The following C3orf52 variants were observed in gnomAD, a reference collection of about 807,000 sequenced individuals.
The protein encoded by C3orf52 is chromosome 3 open reading frame 52, also known as TPA-induced transmembrane protein.
A neutral mutation model predicts 24.8 loss-of-function variants in C3orf52; 22 were observed. That is an observed-to-expected ratio of 0.89 (90% CI 0.63 to 1.27). The LOEUF is 1.27. Ranked by LOEUF, C3orf52 falls within the 50% of genes most tolerant of loss-of-function variation. The probability of loss-of-function intolerance (pLI) is 0.00; values close to 1 mark genes in which losing one functional copy is unlikely to be tolerated. For missense variants in C3orf52, 265 were observed against 260.7 expected, an observed-to-expected ratio of 1.02 and a Z score of -0.11; for synonymous variants, 93 against 100.2, an observed-to-expected ratio of 0.93 and a Z score of 0.43.
intron 1 of C3orf52, among the ~76,000 whole-genome samples, chr3:112,090,658 G>T (rs550786147): frequency 9.3e-4 from 141 of 152,250 alleles, no homozygotes; most frequent in Non-Finnish European, 1.6e-3. Context: ...CCTCCAGGAA[G>T]TCATAGAGTA....
intron 5 of C3orf52, among the ~76,000 whole-genome samples, chr3:112,114,638 A>G (rs2074118300): frequency 6.6e-6 from 1 of 152,028 alleles, no homozygotes; most frequent in African/African-American, 2.4e-5. Flanking sequence ...TGGGAGGCAG[A>G]GGTTGCGGTG....
In C3orf52 at chr3:112,093,381, A is replaced by G. The variant is rs2073896801; in HGVS notation, c.160A>G (p.Ser54Gly). ...CTAGGCTAACAAGGAAAGCCCCTGG[A>G]GCTCCTGTAATAAGAATGTGGTTGG... ...PAEANKESPWSSCNKNVVGRC... is the reference protein window; with the variant it reads ...PAEANKESPWGSCNKNVVGRC... Residue 54 changes from serine (S) to glycine (G), a missense_variant, in exon 2 of 6, where the codon AGC becomes GGC. By Grantham distance (56) the Ser-to-Gly change is moderately conservative. Coordinates refer to ENST00000264848, the MANE Select transcript of C3orf52 (RefSeq NM_024616.3). The G allele has an allele frequency of 6.2e-7, 1 of 1,613,936 alleles. No homozygotes were observed. Among genetic ancestry groups the G allele is most frequent in the Non-Finnish European group, 8.5e-7 (1 of 1,179,846 alleles).
At chr3:112,116,048 C>T (rs1052121780) in intron 5 of C3orf52, among the ~76,000 whole-genome samples, 1 of 152,110 alleles carries the variant, frequency 6.6e-6, no homozygotes, top group Non-Finnish European at 1.5e-5. Context: ...GGGAAGGAGT[C>T]AGCTAGTAGA....
At chr3:112,130,485 A>G (rs772055161), downstream of C3orf52, 1 of 1,614,024 alleles carries the variant, frequency 6.2e-7, no homozygotes, top group Middle Eastern at 1.6e-4. Flanking sequence ...CTCACATTCC[A>G]AGGCATCTCT....
intron 2 of C3orf52, among the ~76,000 whole-genome samples, chr3:112,094,807 G>T (rs1329593559): frequency 6.6e-6 from 1 of 152,164 alleles, no homozygotes; most frequent in Non-Finnish European, 1.5e-5. Flanking sequence ...ATATGTGGGG[G>T]TGATGGTAGA....
downstream of C3orf52, chr3:112,133,043 A>G (rs879652): frequency 0.36 from 567,404 of 1,578,744 alleles, 104,714 homozygotes; most frequent in Admixed American, 0.44. Context: ...TCCTTGCTGT[A>G]TTGTCCTGTC....
chr3:112,108,193 G>A (rs1220977590), intron 3 of C3orf52, among the ~76,000 whole-genome samples: 5 of 152,162 alleles, frequency 3.3e-5, no homozygotes, highest in Non-Finnish European at 7.4e-5. Flanking sequence ...AGAAGGAAAG[G>A]AAATGAGTGA....
chr3:112,110,054 G>T (rs2074063890), intron 4 of C3orf52, among the ~76,000 whole-genome samples: 1 of 152,232 alleles, frequency 6.6e-6, no homozygotes, highest in Admixed American at 6.5e-5. Flanking sequence ...GAGGGGCCGG[G>T]CGTGGTAGCT....
At chr3:112,136,003 T>TA (rs2074547151), downstream of C3orf52, among the ~76,000 whole-genome samples, 1 of 152,206 alleles carries the variant, frequency 6.6e-6, no homozygotes, top group Non-Finnish European at 1.5e-5. Context: ...CACACCCTAA[T>TA]GTCCATGTGC....
In C3orf52 at chr3:112,086,441, G is replaced by A. The variant is rs764787339; in HGVS notation, c.34G>A (p.Glu12Lys). The change falls in exon 1 of 6, where the codon GAG becomes AAG. Residue 12 changes from glutamate to lysine, a missense_variant. Coordinates refer to ENST00000264848, the MANE Select transcript of C3orf52 (RefSeq NM_024616.3). The part of the protein sequence containing the change: ...DLAQPSQPVD[E>K]LELSVLERQP... The stretch of plus-strand genomic sequence containing the variant: ...GGCCCAACCCTCACAGCCAGTAGAC[G>A]AGCTGGAGCTCTCGGTGCTCGAGCG... 12 of 1,551,022 alleles carry A rather than the reference G, an allele frequency of 7.7e-6. No homozygotes were observed. In the African/African-American group the frequency reaches 1.2e-4, roughly 16 times the overall value.
chr3:112,117,498 A>G lies in C3orf52; in HGVS notation c.*852A>G, dbSNP rs2074146881. On this transcript the variant is annotated 3_prime_UTR_variant, in exon 6 of 6. Transcript: ENST00000264848. ...CACACTACTATCACTTTGGATAGTC[A>G]CTCCATTTATATTTTTATAAACTTC... The G allele has an allele frequency of 6.5e-6, 1 of 152,782 alleles. No homozygotes were observed. The highest frequency in any genetic ancestry group is 1.5e-5 in the Non-Finnish European group (1 of 68,534). 9.5% of individuals were successfully genotyped at this position (152,782 alleles called of 1,614,324 possible). A position where few individuals can be genotyped will look rare whatever the true frequency, so the allele number is the denominator to read the frequency against.
intron 4 of C3orf52, chr3:112,111,946 C>T (rs554089397): frequency 1.1e-4 from 16 of 152,192 alleles, no homozygotes; most frequent in Non-Finnish European, 2.1e-4. Context: ...TGTCAGCCAC[C>T]TTGTAAGATC....
chr3:112,111,294 T>A (rs1355279200), intron 4 of C3orf52, among the ~76,000 whole-genome samples: 1 of 152,148 alleles, frequency 6.6e-6, no homozygotes, highest in Non-Finnish European at 1.5e-5. Context: ...GGTCCTAAAG[T>A]ATTGAATTGA....
At chr3:112,125,967 C>T (rs2074308750) in intron 4 of C3orf52, among the ~76,000 whole-genome samples, 1 of 152,192 alleles carries the variant, frequency 6.6e-6, no homozygotes. Flanking sequence ...AACATGTGCC[C>T]TCACATGAAA....
At chr3:112,093,893 A>G (rs1292823847) in intron 2 of C3orf52, among the ~76,000 whole-genome samples, 1 of 152,206 alleles carries the variant, frequency 6.6e-6, no homozygotes, top group Admixed American at 6.5e-5. Context: ...TGTCTGATAT[A>G]TTACTATGAT....
chr3:112,088,358 T>C (rs1576131556), intron 1 of C3orf52, among the ~76,000 whole-genome samples: 1 of 152,262 alleles, frequency 6.6e-6, no homozygotes, highest in East Asian at 1.9e-4. Context: ...TGTGTGTTGG[T>C]CTCTTTGAAC....
intron 4 of C3orf52, chr3:112,109,897 A>G (rs1411059021): frequency 3.1e-6 from 1 of 319,234 alleles, no homozygotes; most frequent in Non-Finnish European, 5.9e-6. Flanking sequence ...TCTGTTTAAC[A>G]ATGAATGCTC....
chr3:112,092,873 T>C (rs2073891951), intron 1 of C3orf52, among the ~76,000 whole-genome samples: 1 of 152,160 alleles, frequency 6.6e-6, no homozygotes, highest in Non-Finnish European at 1.5e-5. Context: ...CCCTTAATTT[T>C]CAACTCGGCT....
chr3:112,096,107 C>T (rs939626243), intron 2 of C3orf52, among the ~76,000 whole-genome samples: 3 of 152,152 alleles, frequency 2.0e-5, no homozygotes, highest in Admixed American at 6.5e-5. Context: ...TCTCTAGACC[C>T]CTTAATCTCC....
Sources: allele counts gnomAD v4.1 joint callset (sites outside exome capture counted in the v4.1 genomes callset), GRCh38; gene constraint gnomAD v4.1.1; transcripts MANE v1.5; gene names NCBI Gene and HGNC (gene_info 2026-07-23, HGNC 2026-07-21).